The following KRABD3 variants were observed in gnomAD, a reference collection of about 807,000 sequenced individuals.
The protein encoded by KRABD3 is KRAB domain-containing protein 3.
At chr7:149,730,048 T>G in the KRABD3 span, 7 of 1,406,518 alleles carry the variant, frequency 5.0e-6, no homozygotes, top group Non-Finnish European at 6.5e-6. Flanking sequence ...GATCGTGGGC[T>G]GAGCTGAAAA....
At chr7:149,716,035 G>A in the KRABD3 span, among the ~76,000 whole-genome samples, 4 of 152,186 alleles carry the variant, frequency 2.6e-5, no homozygotes, top group African/African-American at 9.7e-5. Context: ...AGGTGGCCAG[G>A]AGTGACCTTG....
the KRABD3 span, chr7:149,734,290 T>G: frequency 1.8e-6 from 1 of 546,424 alleles, no homozygotes; most frequent in Non-Finnish European, 3.2e-6. Flanking sequence ...AAATGTTGCT[T>G]CCCTCTCCTG....
the KRABD3 span, chr7:149,723,080 T>C: frequency 6.1e-6 from 5 of 820,238 alleles, no homozygotes; most frequent in Non-Finnish European, 7.1e-6. Context: ...GTGTTGCCAG[T>C]GTCACCTTTC....
chr7:149,730,053 T>C, the KRABD3 span: 1 of 1,410,616 alleles, frequency 7.1e-7, no homozygotes, highest in South Asian at 1.7e-5. Context: ...TGGGCTGAGC[T>C]GAAAAGGGGA....
At chr7:149,730,376 T>C in the KRABD3 span, 1 of 1,552,444 alleles carries the variant, frequency 6.4e-7, no homozygotes, top group Non-Finnish European at 8.7e-7. Context: ...TAGCGGGATG[T>C]GTGCCAGGGC....
the KRABD3 span, chr7:149,733,353 A>G: frequency 6.2e-7 from 1 of 1,612,298 alleles, no homozygotes; most frequent in Non-Finnish European, 8.5e-7. Context: ...AAGCCCCTGC[A>G]GCAGGAGCTG....
At chr7:149,720,204 T>C in the KRABD3 span, 2 of 1,497,410 alleles carry the variant, frequency 1.3e-6, no homozygotes, top group Non-Finnish European at 1.8e-6. Flanking sequence ...GACCTCAGCC[T>C]ACTCAGTCCA....
At chr7:149,715,835 T>C in the KRABD3 span, among the ~76,000 whole-genome samples, 1 of 152,124 alleles carries the variant, frequency 6.6e-6, no homozygotes, top group African/African-American at 2.4e-5. Context: ...GCAGGGACAG[T>C]CAAGTGTCCT....
At chr7:149,729,296 T>C in the KRABD3 span, 1 of 1,601,194 alleles carries the variant, frequency 6.2e-7, no homozygotes, top group Non-Finnish European at 8.5e-7. Context: ...TCCAGCTGCG[T>C]CCCCGCCTGC....
At chr7:149,731,660 C>T in the KRABD3 span, 8 of 1,599,950 alleles carry the variant, frequency 5.0e-6, no homozygotes, top group Non-Finnish European at 6.8e-6. Context: ...GGTCTCTGTG[C>T]TCTTTCTATA....
the KRABD3 span, chr7:149,728,532 C>A: frequency 6.2e-7 from 1 of 1,613,310 alleles, no homozygotes; most frequent in Middle Eastern, 1.7e-4. Context: ...GGAAGCCCAC[C>A]AGGAAGCTCC....
chr7:149,719,181 G>A, the KRABD3 span, among the ~76,000 whole-genome samples: 1 of 152,310 alleles, frequency 6.6e-6, no homozygotes. The surrounding 1 kb of genome is among the most constrained non-coding windows in gnomAD (Gnocchi z 5.6). Flanking sequence ...GTCTCTGCCT[G>A]TCTTCACACA....
At chr7:149,733,779 A>G in the KRABD3 span, 1 of 1,599,076 alleles carries the variant, frequency 6.3e-7, no homozygotes, top group Non-Finnish European at 8.5e-7. Flanking sequence ...CCCAGCTGCC[A>G]TGCTGCGCCG....
the KRABD3 span, chr7:149,725,462 T>C: frequency 3.3e-5 from 53 of 1,611,252 alleles, no homozygotes; most frequent in Non-Finnish European, 4.3e-5. Flanking sequence ...AAGCCTGAAC[T>C]GCAACCCCAC....
chr7:149,720,652 C>A, the KRABD3 span, among the ~76,000 whole-genome samples: 124 of 152,364 alleles, frequency 8.1e-4, no homozygotes, highest in African/African-American at 2.9e-3. Context: ...CCTGGCTGTC[C>A]CTTGGCCAGA....
the KRABD3 span, chr7:149,724,513 G>C: frequency 2.0e-5 from 11 of 542,578 alleles, no homozygotes; most frequent in East Asian, 3.6e-4. Context: ...TGATTGACAA[G>C]TGACAGCAGT....
chr7:149,732,474 CAG>C, the KRABD3 span, among the ~76,000 whole-genome samples: 1 of 152,204 alleles, frequency 6.6e-6, no homozygotes, highest in African/African-American at 2.4e-5. The surrounding 1 kb of genome is among the most constrained non-coding windows in gnomAD (Gnocchi z 4.0). Context: ...CCCAGAGAAA[CAG>C]GGAAGAAACC....
the KRABD3 span, chr7:149,728,394 C>T: frequency 3.4e-3 from 3,698 of 1,078,980 alleles, 99 homozygotes; most frequent in African/African-American, 0.051. Flanking sequence ...AGGACTGACA[C>T]GTCCAGTGCT....
At chr7:149,718,550 G>A in the KRABD3 span, among the ~76,000 whole-genome samples, 2 of 113,804 alleles carry the variant, frequency 1.8e-5, no homozygotes, top group Non-Finnish European at 3.3e-5. Flanking sequence ...ATGGAGTCTC[G>A]CCATATTGCC....
Sources: gnomAD v4.1 joint callset for allele counts (sites outside exome capture counted in the v4.1 genomes callset) on GRCh38, gnomAD v4.1.1 for gene constraint, Gnocchi (gnomAD v3.1) non-coding constraint, MANE v1.5 for transcripts, NCBI Gene and HGNC (gene_info 2026-07-23, HGNC 2026-07-21) for gene names.